The following TTC29 variants were observed in gnomAD, a reference collection of about 807,000 sequenced individuals.
TTC29 encodes the protein tetratricopeptide repeat domain 29.
A neutral mutation model predicts 58.1 loss-of-function variants in TTC29; 49 were observed. The observed-to-expected ratio is 0.84, with a 90% CI of 0.67 to 1.07. The LOEUF is 1.07. TTC29 is among the 50% of genes least tolerant of loss of function. TTC29 has a pLI of 0.00. For synonymous variants in TTC29, 209 were observed against 196.8 expected (o/e 1.06, Z -0.52); for missense variants, 582 against 555.6 (o/e 1.05, Z -0.48).
intron 11 of TTC29, among the ~76,000 whole-genome samples, chr4:146,774,841 G>T (rs1386111393): frequency 6.6e-6 from 1 of 152,172 alleles, no homozygotes; most frequent in Non-Finnish European, 1.5e-5. Context: ...AATGGTGTCA[G>T]TGGGGTGTCA....
chr4:146,789,155 C>A (rs1428318871), intron 11 of TTC29, among the ~76,000 whole-genome samples: 1 of 152,132 alleles, frequency 6.6e-6, no homozygotes, highest in Non-Finnish European at 1.5e-5. Context: ...TTAATGTATA[C>A]AACTGGATGA....
intron 9 of TTC29, among the ~76,000 whole-genome samples, chr4:146,830,918 C>T (rs902296335): frequency 2.6e-5 from 4 of 152,108 alleles, no homozygotes; most frequent in African/African-American, 4.8e-5. Flanking sequence ...TAATGCTTTG[C>T]GCTATTCAGG....
At chr4:146,722,163 A>AT (rs1327111433) in intron 11 of TTC29, among the ~76,000 whole-genome samples, 1 of 152,168 alleles carries the variant, frequency 6.6e-6, no homozygotes, top group Non-Finnish European at 1.5e-5. Flanking sequence ...CAAAGAAACC[A>AT]TAGATGACAC....
intron 6 of TTC29, among the ~76,000 whole-genome samples, chr4:146,886,642 T>A (rs541455034): frequency 2.0e-5 from 3 of 152,294 alleles, no homozygotes; most frequent in South Asian, 2.1e-4. Flanking sequence ...GAAATTTTTT[T>A]AAATTTATAA....
intron 11 of TTC29, among the ~76,000 whole-genome samples, chr4:146,749,034 T>C (rs577865013): frequency 6.6e-6 from 1 of 152,230 alleles, no homozygotes; most frequent in South Asian, 2.1e-4. Context: ...GAGATATACA[T>C]TGGCTGGATG....
intron 8 of TTC29, among the ~76,000 whole-genome samples, chr4:146,856,762 C>T (rs1729885001): frequency 6.6e-6 from 1 of 150,692 alleles, no homozygotes; most frequent in African/African-American, 2.4e-5. Context: ...ATTTAAAGAG[C>T]TACTCCTTAT....
chr4:146,791,169 G>GA (rs1322444515), intron 11 of TTC29, among the ~76,000 whole-genome samples: 1 of 152,074 alleles, frequency 6.6e-6, no homozygotes, highest in African/African-American at 2.4e-5. Context: ...CTTTAATTTT[G>GA]TTACAAACAT....
chr4:146,887,467 G>A (rs1245591369), intron 6 of TTC29, among the ~76,000 whole-genome samples: 1 of 152,078 alleles, frequency 6.6e-6, no homozygotes, highest in Admixed American at 6.6e-5. Context: ...GAGTATGATA[G>A]GGAGAGGGGA....
chr4:146,867,761 T>C (rs768410625), intron 7 of TTC29, among the ~76,000 whole-genome samples, 178 bp from the exon 8 acceptor site: 1 of 152,144 alleles, frequency 6.6e-6, no homozygotes, highest in Non-Finnish European at 1.5e-5. Context: ...ACAATTTACC[T>C]GGATCATAGA....
At chr4:146,817,159 A>C (rs917988629) in intron 10 of TTC29, among the ~76,000 whole-genome samples, 2 of 152,246 alleles carry the variant, frequency 1.3e-5, no homozygotes, top group African/African-American at 4.8e-5. Context: ...TTTGCAGACG[A>C]CATGATTGTA....
chr4:146,732,930 G>A (rs1013992845), intron 11 of TTC29, among the ~76,000 whole-genome samples: 1 of 152,166 alleles, frequency 6.6e-6, no homozygotes, highest in African/African-American at 2.4e-5. Flanking sequence ...GGACATGGGA[G>A]AGAAAAGAGT....
At chr4:146,901,446 G>A (rs1279493480) in intron 6 of TTC29, among the ~76,000 whole-genome samples, 1 of 152,070 alleles carries the variant, frequency 6.6e-6, no homozygotes, top group Non-Finnish European at 1.5e-5. Flanking sequence ...ACACGTATTT[G>A]GAGTTTCCTG....
At chr4:146,936,100 C>CT (rs1379069957) in intron 4 of TTC29, among the ~76,000 whole-genome samples, 9 of 152,156 alleles carry the variant, frequency 5.9e-5, no homozygotes. Context: ...GTGCAGGAAA[C>CT]TTTAAGGAGA....
intron 11 of TTC29, among the ~76,000 whole-genome samples, chr4:146,711,813 T>G (rs751801831): frequency 1.3e-5 from 2 of 152,094 alleles, no homozygotes; most frequent in Non-Finnish European, 2.9e-5. Flanking sequence ...TTCCCCACCA[T>G]GTAAATCATA....
chr4:146,749,487 A>G (rs1293520753), intron 11 of TTC29, among the ~76,000 whole-genome samples: 1 of 152,182 alleles, frequency 6.6e-6, no homozygotes, highest in African/African-American at 2.4e-5. Context: ...AAAAGAAAAG[A>G]AAAAAGAATA....
At chr4:146,841,177 T>C (rs1394622738) in intron 8 of TTC29, among the ~76,000 whole-genome samples, 3 of 152,156 alleles carry the variant, frequency 2.0e-5, no homozygotes, top group East Asian at 1.9e-4. Flanking sequence ...CTTTCTACTT[T>C]CTGAGCACCT....
intron 11 of TTC29, among the ~76,000 whole-genome samples, chr4:146,748,674 G>A (rs937508133): frequency 6.6e-6 from 1 of 152,140 alleles, no homozygotes; most frequent in African/African-American, 2.4e-5. Context: ...ACTACATCAC[G>A]GTGCCCACAT....
intron 11 of TTC29, among the ~76,000 whole-genome samples, chr4:146,797,804 A>G (rs1005874342): frequency 2.7e-5 from 4 of 147,046 alleles, no homozygotes; most frequent in East Asian, 2.0e-4. Context: ...TCAAATTTGT[A>G]AAACAACTGG....
intron 11 of TTC29, among the ~76,000 whole-genome samples, chr4:146,715,290 A>G (rs956381294): frequency 2.6e-5 from 4 of 152,204 alleles, no homozygotes; most frequent in Non-Finnish European, 5.9e-5. Flanking sequence ...AAATAAATAC[A>G]TTAAAGGGAT....
Sources: allele counts gnomAD v4.1 joint callset (sites outside exome capture counted in the v4.1 genomes callset), GRCh38; gene constraint gnomAD v4.1.1; transcripts MANE v1.5; gene names NCBI Gene and HGNC (gene_info 2026-07-23, HGNC 2026-07-21).